Variants in SEMA3D observed in about 807,000 individuals in gnomAD.
SEMA3D encodes the protein semaphorin 3D.
Under a neutral mutation model 100.1 loss-of-function variants are expected in SEMA3D, and 84 were observed. That is an observed-to-expected ratio of 0.84 (90% confidence interval 0.70 to 1.01). The LOEUF (loss-of-function observed/expected upper bound fraction) is 1.01, where lower values mean the gene tolerates loss of function less well. SEMA3D is among the 50% of genes least tolerant of loss of function. The pLI, the probability that SEMA3D is intolerant of heterozygous loss-of-function variation, is 0.00. For missense variants in SEMA3D, 875 were observed against 934.1 expected, an observed-to-expected ratio of 0.94 and a Z score of 0.82; for synonymous variants, 312 against 320.7, an observed-to-expected ratio of 0.97 and a Z score of 0.29.
upstream of SEMA3D, among the ~76,000 whole-genome samples, chr7:85,190,108 C>T (rs545647173): frequency 3.3e-5 from 5 of 152,188 alleles, no homozygotes; most frequent in South Asian, 1.0e-3. Context: ...TGGCTGTCCT[C>T]TCAGCAGAAG....
At chr7:85,180,201 C>T (rs1006160867) in intron 1 of SEMA3D, among the ~76,000 whole-genome samples, 9 of 152,108 alleles carry the variant, frequency 5.9e-5, no homozygotes, top group African/African-American at 2.2e-4. Flanking sequence ...GCAGTTTTCC[C>T]ATGCTGTTCT....
At chr7:85,078,417 G>T (rs1159967055) in intron 5 of SEMA3D, among the ~76,000 whole-genome samples, 2 of 152,114 alleles carry the variant, frequency 1.3e-5, no homozygotes, top group Non-Finnish European at 2.9e-5. Flanking sequence ...CTTTAACTTT[G>T]TGTAATGTCT....
At chr7:85,001,632 T>C (rs1032220141) in intron 18 of SEMA3D, among the ~76,000 whole-genome samples, 1 of 152,148 alleles carries the variant, frequency 6.6e-6, no homozygotes, top group Non-Finnish European at 1.5e-5. Context: ...TGGTCTCTAC[T>C]CTGTTTCCTA....
intron 4 of SEMA3D, 22 bp from the exon 5 acceptor site, chr7:85,081,601 G>C: frequency 6.4e-7 from 1 of 1,558,102 alleles, no homozygotes; most frequent in Non-Finnish European, 8.9e-7. Flanking sequence ...TTCAAAGTAT[G>C]TTACAACCTG....
At chr7:85,199,804 T>G in the SEMA3D span, among the ~76,000 whole-genome samples, 5 of 152,310 alleles carry the variant, frequency 3.3e-5, no homozygotes, top group Non-Finnish European at 7.3e-5. Context: ...TTTTTCCCAC[T>G]GAGTTTGATA....
chr7:85,136,413 T>TAC (rs1789869801), intron 2 of SEMA3D, among the ~76,000 whole-genome samples: 1 of 152,150 alleles, frequency 6.6e-6, no homozygotes, highest in African/African-American at 2.4e-5. Flanking sequence ...GCATTAAGTA[T>TAC]ACACAGAACT....
At position 84,996,976 on chromosome 7, in the gene SEMA3D, T is replaced by C. The variant is rs1309095487; in HGVS notation, c.*2464A>G. On this transcript the variant is annotated 3_prime_UTR_variant, in exon 19 of 19. Coordinates refer to ENST00000284136, the MANE Select transcript of SEMA3D (RefSeq NM_001384900.1). ...TTTAGATATTCTTTATCTTTAAAAA[T>C]ACATATAAATATGTGTACTCTATGT... The C allele has an allele frequency of 1.3e-5, 2 of 152,006 alleles. No homozygotes were observed. The highest frequency in any genetic ancestry group is 1.5e-5 in the Non-Finnish European group (1 of 67,830). 9.4% of individuals were successfully genotyped at this position (152,006 alleles called of 1,614,324 possible). A position where few individuals can be genotyped will look rare whatever the true frequency, so the allele number is the denominator to read the frequency against.
At chr7:85,117,283 A>G (rs1789269471) in intron 3 of SEMA3D, among the ~76,000 whole-genome samples, 1 of 152,166 alleles carries the variant, frequency 6.6e-6, no homozygotes, top group Non-Finnish European at 1.5e-5. Context: ...GTCTGATTAC[A>G]ACTCCATTAA....
chr7:85,069,111 T>TA (rs2116166053), intron 6 of SEMA3D, among the ~76,000 whole-genome samples: 1 of 152,288 alleles, frequency 6.6e-6, no homozygotes, highest in African/African-American at 2.4e-5. Context: ...GTGTATGCAC[T>TA]AGTTAGAGAA....
At position 85,121,880 on chromosome 7, in the gene SEMA3D, A is replaced by C. The variant is rs1415578789; in HGVS notation, c.12T>G (p.Asn4Lys). The C allele has an allele frequency of 6.4e-7, 1 of 1,573,250 alleles. No homozygotes were observed. The highest frequency in any genetic ancestry group is 1.4e-5 in the African/African-American group (1 of 73,412). Residue 4 changes from asparagine to lysine, a missense_variant, in exon 3 of 19, where the codon AAT becomes AAG. Asn to Lys is a moderately conservative substitution (Grantham distance 94). Transcript: ENST00000284136. MNA[N>K]KDERLKARSQ... ...TTCTGGCTTTAAGTCTTTCATCTTT[A>C]TTAGCATTCATGATGAAAACAATGT...
rs986412416 is a variant in SEMA3D at position 84,996,945 on chromosome 7, A to C, written c.*2495T>G. ...AGACAACTAAAAAGCTAAGAAAAAA[A>C]CACATTTTAGATATTCTTTATCTTT... On this transcript the variant is annotated 3_prime_UTR_variant, in exon 19 of 19. Transcript: ENST00000284136. 6.6e-6 allele frequency: 1 copy of C among 151,956 alleles called. No homozygotes were observed. Among genetic ancestry groups the C allele is most frequent in the Non-Finnish European group, 1.5e-5 (1 of 67,874 alleles). 9.4% of individuals were successfully genotyped at this position (151,956 alleles called of 1,614,324 possible).
At chr7:85,041,739 T>G (rs1182629628) in intron 10 of SEMA3D, 1 of 156,500 alleles carries the variant, frequency 6.4e-6, no homozygotes, top group East Asian at 1.9e-4. Flanking sequence ...TGCTTCTGAT[T>G]ATTCTTTCAT....
intron 1 of SEMA3D, among the ~76,000 whole-genome samples, chr7:85,160,635 G>A (rs956457764): frequency 6.6e-6 from 1 of 151,998 alleles, no homozygotes; most frequent in Admixed American, 6.6e-5. Flanking sequence ...CTCCTAAACA[G>A]GACTGGTGGG....
At chr7:85,228,981 G>A in the SEMA3D span, among the ~76,000 whole-genome samples, 63 of 152,088 alleles carry the variant, frequency 4.1e-4, no homozygotes, top group Middle Eastern at 0.01. Flanking sequence ...TTTCCATAAA[G>A]TGAAAGAACT....
chr7:85,223,317 T>G, the SEMA3D span, among the ~76,000 whole-genome samples: 5 of 152,068 alleles, frequency 3.3e-5, no homozygotes, highest in African/African-American at 1.2e-4. Flanking sequence ...ATACCACAAT[T>G]ACTTTTGCAC....
intron 16 of SEMA3D, among the ~76,000 whole-genome samples, chr7:85,014,665 CATATATATTTATATA>C (rs1355400651): frequency 4.0e-5 from 6 of 151,506 alleles, no homozygotes; most frequent in African/African-American, 1.5e-4. Flanking sequence ...CTTGTACAAT[CATATATATTTATATA>C]TTATTTGCAA....
intron 1 of SEMA3D, among the ~76,000 whole-genome samples, chr7:85,164,004 T>C (rs1324281268): frequency 6.6e-6 from 1 of 152,144 alleles, no homozygotes; most frequent in Non-Finnish European, 1.5e-5. Context: ...TTTGAATGTT[T>C]ACTATGAAAT....
At chr7:85,159,933 A>T (rs1230758674) in intron 1 of SEMA3D, 1 of 984,686 alleles carries the variant, frequency 1.0e-6, no homozygotes, top group East Asian at 1.1e-4. Context: ...ATGACCAACT[A>T]GTGTTCAAGA....
At chr7:85,001,826 A>C (rs1236074933) in intron 18 of SEMA3D, among the ~76,000 whole-genome samples, 1 of 152,134 alleles carries the variant, frequency 6.6e-6, no homozygotes, top group South Asian at 2.1e-4. Context: ...TATTACTGTA[A>C]TTCTCTTAAT....
Sources: gnomAD v4.1 joint callset for allele counts (sites outside exome capture counted in the v4.1 genomes callset) on GRCh38, gnomAD v4.1.1 for gene constraint, MANE v1.5 for transcripts, NCBI Gene and HGNC (gene_info 2026-07-23, HGNC 2026-07-21) for gene names.